DLG2: variants seen among roughly 807,000 people sequenced by gnomAD.
DLG2 encodes the protein discs large MAGUK scaffold protein 2, also known as disks large homolog 2.
In DLG2, 45 loss-of-function variants were observed where a neutral mutation model predicts 132.5. The observed-to-expected ratio is 0.34, with a 90% confidence interval of 0.27 to 0.44. The LOEUF (loss-of-function observed/expected upper bound fraction) is 0.44. Among genes scored for constraint, DLG2 ranks in the 20% least tolerant of loss-of-function variants. The probability of loss-of-function intolerance (pLI) is 1.00; values close to 1 mark genes in which losing one functional copy is unlikely to be tolerated. For missense variants in DLG2, 1,045 were observed against 1,196.9 expected, an observed-to-expected ratio of 0.87 and a Z score of 1.87; for synonymous variants, 424 against 419.6, an observed-to-expected ratio of 1.01 and a Z score of -0.13.
At chr11:85,299,030 T>C (rs1050678698) in intron 3 of DLG2, among the ~76,000 whole-genome samples, 58 of 152,166 alleles carry the variant, frequency 3.8e-4, no homozygotes, top group African/African-American at 1.3e-3. Context: ...TTCTTTGTGG[T>C]TGTCTAGATG....
intron 3 of DLG2, among the ~76,000 whole-genome samples, chr11:85,332,697 A>G (rs2081848420): frequency 6.6e-6 from 1 of 152,170 alleles, no homozygotes; most frequent in Non-Finnish European, 1.5e-5. Flanking sequence ...TACCAGAACC[A>G]TTTATTGAAT....
chr11:85,060,928 A>ATC (rs1035167846), intron 6 of DLG2, among the ~76,000 whole-genome samples: 78 of 150,518 alleles, frequency 5.2e-4, no homozygotes, highest in African/African-American at 1.8e-3. Flanking sequence ...TTTAATGGTC[A>ATC]TCTTAACAAG....
chr11:84,515,133 A>G (rs2099268618), intron 7 of DLG2, among the ~76,000 whole-genome samples: 1 of 151,904 alleles, frequency 6.6e-6, no homozygotes, highest in Admixed American at 6.6e-5. Context: ...CGAGAGAGGA[A>G]GAAAGGAACC....
intron 6 of DLG2, among the ~76,000 whole-genome samples, chr11:84,709,103 G>A (rs1311015254): frequency 6.6e-6 from 1 of 151,876 alleles, no homozygotes; most frequent in Non-Finnish European, 1.5e-5. Context: ...ACTCTGAAGT[G>A]AGATAATGGG....
chr11:83,618,962 G>C (rs1238854997), intron 19 of DLG2, among the ~76,000 whole-genome samples: 1 of 152,054 alleles, frequency 6.6e-6, no homozygotes, highest in Non-Finnish European at 1.5e-5. Context: ...ACTTCAGCTG[G>C]ATCCTCAAAG....
intron 3 of DLG2, among the ~76,000 whole-genome samples, chr11:85,308,103 G>T (rs985359959): frequency 2.7e-5 from 4 of 150,692 alleles, no homozygotes; most frequent in Admixed American, 2.0e-4. Flanking sequence ...GTAGTGAGCT[G>T]AGATCATGCC....
Position 85,309,825 on chromosome 11 carries a change from T to C in DLG2, c.41-24460A>G, listed in dbSNP as rs116104301. Among the ~76,000 whole-genome samples the C allele has an allele frequency of 4.4e-3, 674 of 152,328 alleles. 6 individuals are homozygous for C. The highest frequency in any genetic ancestry group is 0.016 in the African/African-American group (646 of 41,574). On this transcript the variant is annotated intron_variant, in intron 3 of 27. Transcript: ENST00000376104. ...TACCCTGATTCCTGCAGGCTGAGTCTGGTGCCCTTGTTCTGTGTTTTGTGT... is the reference window on the plus strand; with the variant it reads ...TACCCTGATTCCTGCAGGCTGAGTCCGGTGCCCTTGTTCTGTGTTTTGTGT...
intron 15 of DLG2, among the ~76,000 whole-genome samples, chr11:83,876,081 C>G (rs2064726736): frequency 1.3e-5 from 2 of 152,124 alleles, no homozygotes; most frequent in African/African-American, 2.4e-5. Flanking sequence ...GCCAGACTGC[C>G]TGGCTCAACC....
At chr11:85,003,984 T>G (rs1443238541) in intron 6 of DLG2, among the ~76,000 whole-genome samples, 1 of 152,168 alleles carries the variant, frequency 6.6e-6, no homozygotes, top group Non-Finnish European at 1.5e-5. Context: ...GGTTTTCTGT[T>G]CCTGTGTTAG....
intron 6 of DLG2, among the ~76,000 whole-genome samples, chr11:84,884,357 C>G (rs1397130679): frequency 6.6e-6 from 1 of 151,818 alleles, no homozygotes; most frequent in African/African-American, 2.4e-5. Flanking sequence ...AAACTATGGT[C>G]TCTAAGTAAC....
intron 4 of DLG2, among the ~76,000 whole-genome samples, chr11:85,248,607 A>G (rs569327855): frequency 7.0e-4 from 107 of 152,154 alleles, no homozygotes; most frequent in African/African-American, 2.3e-3. Context: ...GCCAGTAGGG[A>G]TGAGAAGAAA....
chr11:83,783,698 C>T (rs1339517361), intron 18 of DLG2, among the ~76,000 whole-genome samples: 1 of 152,098 alleles, frequency 6.6e-6, no homozygotes, highest in Non-Finnish European at 1.5e-5. Context: ...ATGGAACTCA[C>T]AATTTTGTAG....
At chr11:84,017,899 T>C (rs575974238) in intron 11 of DLG2, among the ~76,000 whole-genome samples, 1 of 152,130 alleles carries the variant, frequency 6.6e-6, no homozygotes, top group East Asian at 1.9e-4. Flanking sequence ...TAGGCTCTGT[T>C]GTTTCTGATG....
chr11:83,594,400 T>C (rs2153344108), intron 19 of DLG2, among the ~76,000 whole-genome samples: 2 of 152,368 alleles, frequency 1.3e-5, no homozygotes, highest in South Asian at 4.1e-4. Flanking sequence ...TGTTGCATCA[T>C]TGCCTGTCTT....
chr11:84,777,281 G>A lies in DLG2; in HGVS notation c.358-242550C>T, dbSNP rs372264689. Among the ~76,000 whole-genome samples, 32 of 95,004 alleles carry A rather than the reference G, an allele frequency of 3.4e-4. 1 individual carries two copies. Among genetic ancestry groups the A allele is most frequent in the African/African-American group, 1.1e-3 (27 of 24,542 alleles). The allele number at this position is 95,004 out of a possible 152,430, so 62.3% of individuals were successfully genotyped here. ...TGTGTGTGTATGTATATGTGTGTGT[G>A]TATATATATATATATATATATATAT... is the stretch of plus-strand genomic sequence containing the variant. On this transcript the variant is annotated intron_variant, in intron 6 of 27. Coordinates refer to ENST00000376104, the MANE Select transcript of DLG2 (RefSeq NM_001142699.3).
intron 3 of DLG2, among the ~76,000 whole-genome samples, chr11:85,449,981 G>T (rs561316109): frequency 6.6e-6 from 1 of 152,084 alleles, no homozygotes; most frequent in African/African-American, 2.4e-5. Flanking sequence ...TACAAAATTA[G>T]CCGGGCATGA....
chr11:84,606,277 G>T (rs769585752), intron 6 of DLG2, among the ~76,000 whole-genome samples: 6 of 152,010 alleles, frequency 3.9e-5, no homozygotes, highest in Admixed American at 2.6e-4. Flanking sequence ...TGGATAAACC[G>T]CAGCATATTC....
chr11:83,578,044 G>T (rs1488070515), intron 19 of DLG2, among the ~76,000 whole-genome samples: 10 of 116,636 alleles, frequency 8.6e-5, no homozygotes, highest in Admixed American at 8.6e-4. Flanking sequence ...GGTTTATTTT[G>T]TGTGTGTGTG....
chr11:85,053,885 TG>T (rs1566743782), intron 6 of DLG2, among the ~76,000 whole-genome samples: 3 of 149,934 alleles, frequency 2.0e-5, no homozygotes, highest in South Asian at 4.2e-4. Flanking sequence ...TACAAAAATA[TG>T]GGTCAATTAA....
Sources: allele counts gnomAD v4.1 joint callset (sites outside exome capture counted in the v4.1 genomes callset), GRCh38; gene constraint gnomAD v4.1.1; transcripts MANE v1.5; gene names NCBI Gene and HGNC (gene_info 2026-07-23, HGNC 2026-07-21).